Variants in PINK1 observed in about 807,000 individuals in gnomAD.
The protein encoded by PINK1 is serine/threonine-protein kinase PINK1, mitochondrial.
In PINK1, 58 loss-of-function variants were observed where a neutral mutation model predicts 56.0. The ratio of observed to expected loss-of-function variants is 1.04; its 90% CI spans 0.84 to 1.29. The LOEUF (loss-of-function observed/expected upper bound fraction) is 1.29, where lower values mean the gene tolerates loss of function less well. Ranked by LOEUF, PINK1 falls within the 50% of genes most tolerant of loss-of-function variation. PINK1 has a pLI of 0.00. For synonymous variants in PINK1, 354 were observed against 339.3 expected (o/e 1.04, Z -0.48); for missense variants, 745 against 777.9 (o/e 0.96, Z 0.50).
chr1:20,638,044 G>A lies in PINK1; in HGVS notation c.590G>A (p.Gly197Asp). Residue 197 changes from glycine (G) to aspartate (D), a missense_variant, in exon 2 of 8, where the codon GGT (glycine) becomes GAT (aspartate). Gly to Asp is a moderately conservative substitution (Grantham distance 94, BLOSUM62 -1). Transcript: ENST00000321556. ...GGGTTGCTTCCAGGGAGAGGCCCAGGTACCAGTGCACCAGGAGAAGGGCAG... is the reference window on the plus strand; with the variant it reads ...GGGTTGCTTCCAGGGAGAGGCCCAGATACCAGTGCACCAGGAGAAGGGCAG... ...STGLLPGRGP[G>D]TSAPGEGQER... 1 of 1,614,176 alleles carries A rather than the reference G, an allele frequency of 6.2e-7. No homozygotes were observed. The highest frequency in any genetic ancestry group is 8.5e-7 in the Non-Finnish European group (1 of 1,180,024).
intron 7 of PINK1, chr1:20,649,589 A>T (rs924103438): frequency 2.2e-5 from 6 of 273,224 alleles, no homozygotes; most frequent in African/African-American, 1.1e-4. Context: ...ACATGGTAAA[A>T]CCCCGTCTGT....
intron 1 of PINK1, among the ~76,000 whole-genome samples, chr1:20,634,708 G>C (rs1201897544): frequency 6.6e-6 from 1 of 152,220 alleles, no homozygotes; most frequent in Non-Finnish European, 1.5e-5. Flanking sequence ...GGAGGAGCCA[G>C]CGGTGCAGTT....
At position 20,649,169 on chromosome 1, in the gene PINK1, G is replaced by A. The variant is rs115477764; in HGVS notation, c.1426G>A (p.Glu476Lys). 3,352 of 1,614,210 alleles carry A rather than the reference G, an allele frequency of 2.1e-3. 57 individuals carry two copies. In the African/African-American group the frequency reaches 0.038, roughly 18 times the overall value. ...YQEAQLPALP[E>K]SVPPDVRQLV... Reference sequence around the variant, plus strand: ...AGAGGCTCAGCTACCTGCACTGCCCGAGTCAGTGCCTCCAGACGTGAGACA... The same window carrying A: ...AGAGGCTCAGCTACCTGCACTGCCCAAGTCAGTGCCTCCAGACGTGAGACA... Residue 476 changes from glutamate to lysine, a missense_variant, in exon 7 of 8, where the codon GAG becomes AAG. By Grantham distance (56) the Glu-to-Lys change is moderately conservative. Coordinates refer to ENST00000321556, the MANE Select transcript of PINK1 (RefSeq NM_032409.3).
In PINK1 at chr1:20,639,969, G is replaced by A. The variant is rs1297069231; in HGVS notation, c.753G>A (p.Gly251=). The part of the protein sequence containing the change: ...LVPASRVALA[G]EYGAVTYRKS... ...CAGCGAGCCGAGTGGCCTTGGCTGG[G>A]GAGTATGGAGCAGTCACTTACAGGT... Residue 251 remains glycine (G), a synonymous_variant, in exon 3 of 8, where the codon GGG becomes GGA. Coordinates refer to ENST00000321556, the MANE Select transcript of PINK1 (RefSeq NM_032409.3). The A allele has an allele frequency of 2.5e-6, 4 of 1,610,734 alleles. No individual in the cohort carries two copies. The East Asian group carries it at 6.7e-5, about 27-fold the overall frequency.
intron 4 of PINK1, 132 bp downstream of exon 4, chr1:20,644,804 A>T (rs1051761437): frequency 3.3e-6 from 4 of 1,214,952 alleles, no homozygotes; most frequent in Non-Finnish European, 4.6e-6. Context: ...GAAGAAAGCC[A>T]TGCAAAGGGA....
At position 20,641,225 on chromosome 1, in the gene PINK1, G is replaced by A. The variant is rs531527401; in HGVS notation, c.776+1233G>A. ...ATGTGACTGGGAGTCCCTGCAGGCCGGTGGAGGTAGCTGCTCAAGTGGCTG... is the reference window on the plus strand; with the variant it reads ...ATGTGACTGGGAGTCCCTGCAGGCCAGTGGAGGTAGCTGCTCAAGTGGCTG... On this transcript the variant is annotated intron_variant, in intron 3 of 7. Coordinates refer to ENST00000321556, the MANE Select transcript of PINK1 (RefSeq NM_032409.3). The surrounding 1 kb of genome is among the most constrained non-coding windows in gnomAD (Gnocchi z 4.0). Among the ~76,000 whole-genome samples the A allele has an allele frequency of 6.6e-6, 1 of 152,282 alleles. No homozygotes were observed. Among genetic ancestry groups the A allele is most frequent in the African/African-American group, 2.4e-5 (1 of 41,554 alleles).
In PINK1 at chr1:20,649,019, A is replaced by G; in HGVS notation, c.1276A>G (p.Arg426Gly). The G allele has an allele frequency of 6.2e-7, 1 of 1,613,680 alleles. No individual in the cohort carries two copies. Among genetic ancestry groups the G allele is most frequent in the Middle Eastern group, 1.8e-4 (1 of 5,610 alleles). Reference sequence around the variant, plus strand: ...GGTGTCCACGGCCCGTCCTGGCCCCAGGGCAGTGATTGACTACAGCAAGGC... The same window carrying G: ...GGTGTCCACGGCCCGTCCTGGCCCCGGGGCAGTGATTGACTACAGCAAGGC... ...PEVSTARPGP[R>G]AVIDYSKADA... The change falls in exon 7 of 8, where the codon AGG (arginine) becomes GGG (glycine). Residue 426 changes from arginine to glycine, a missense_variant. Coordinates refer to ENST00000321556, the MANE Select transcript of PINK1 (RefSeq NM_032409.3).
intron 5 of PINK1, among the ~76,000 whole-genome samples, chr1:20,648,128 C>A (rs2053210088): frequency 6.6e-6 from 1 of 152,172 alleles, no homozygotes; most frequent in Admixed American, 6.5e-5. Flanking sequence ...TCTTAATGCA[C>A]CTGGTTCTTA....
intron 2 of PINK1, chr1:20,638,715 T>C: frequency 1.2e-5 from 2 of 168,066 alleles, no homozygotes; most frequent in Non-Finnish European, 1.3e-5. Flanking sequence ...GGCCTAAGAT[T>C]GTGCCTTCCC....
intron 7 of PINK1, chr1:20,649,540 G>A: frequency 2.8e-6 from 1 of 351,500 alleles, no homozygotes. Flanking sequence ...TGAGGCGGGT[G>A]GATCACTTGG....
chr1:20,638,099 C>T lies in PINK1; in HGVS notation c.645C>T (p.Pro215=). Residue 215 remains proline (P), a synonymous_variant, in exon 2 of 8, where the codon CCC becomes CCT. Coordinates refer to ENST00000321556, the MANE Select transcript of PINK1 (RefSeq NM_032409.3). ...QERAPGAPAF[P]LAIKMMWNIS... ...GAGCTCCGGGGGCCCCTGCCTTCCC[C>T]TTGGCCATCAAGATGATGTGGAACA... is the stretch of plus-strand genomic sequence containing the variant. 2 of 1,613,510 alleles carry T rather than the reference C, an allele frequency of 1.2e-6. No individual in the cohort carries two copies. The highest frequency in any genetic ancestry group is 1.7e-6 in the Non-Finnish European group (2 of 1,180,008).
chr1:20,642,607 C>A (rs781090406), intron 3 of PINK1: 1 of 152,222 alleles, frequency 6.6e-6, no homozygotes, highest in Non-Finnish European at 1.5e-5. Context: ...TCAGCCAGTT[C>A]TTTTATCTCA....
In PINK1 at chr1:20,633,810, C is replaced by A; in HGVS notation, c.262C>A (p.Arg88=). ...GCGGTTGCAGCGGCAGTTCGTGGTG[C>A]GGGCCTGGGGCTGCGCGGGCCCTTG... ...AARLQRQFVV[R]AWGCAGPCGR... The change falls in exon 1 of 8, where the codon CGG becomes AGG. Residue 88 remains arginine (R), a synonymous_variant. Transcript: ENST00000321556. 6.3e-7 allele frequency: 1 copy of A among 1,576,778 alleles called. No individual in the cohort carries two copies. Among genetic ancestry groups the A allele is most frequent in the Non-Finnish European group, 8.6e-7 (1 of 1,165,872 alleles).
At position 20,649,175 on chromosome 1, in the gene PINK1, G is replaced by C. The variant is rs777444688; in HGVS notation, c.1432G>C (p.Val478Leu). 6 of 1,614,210 alleles carry C rather than the reference G, an allele frequency of 3.7e-6. No homozygotes were observed. The highest frequency in any genetic ancestry group is 5.1e-6 in the Non-Finnish European group (6 of 1,180,042). ...EAQLPALPES[V>L]PPDVRQLVRA... ...TCAGCTACCTGCACTGCCCGAGTCAGTGCCTCCAGACGTGAGACAGTTGGT... is the reference window on the plus strand; with the variant it reads ...TCAGCTACCTGCACTGCCCGAGTCACTGCCTCCAGACGTGAGACAGTTGGT... Residue 478 changes from valine (V) to leucine (L), a missense_variant, in exon 7 of 8, where the codon GTG becomes CTG. Physicochemically the swap from Val to Leu is conservative, Grantham distance 32 (BLOSUM62 1). Transcript: ENST00000321556.
intron 6 of PINK1, 176 bp from the exon 7 acceptor site, chr1:20,648,819 C>A: frequency 1.6e-6 from 2 of 1,267,884 alleles, no homozygotes; most frequent in Non-Finnish European, 2.2e-6. Flanking sequence ...AATGCAAGTC[C>A]TGTCACATAA....
At chr1:20,644,047 C>T (rs1398525238) in intron 3 of PINK1, among the ~76,000 whole-genome samples, 3 of 149,020 alleles carry the variant, frequency 2.0e-5, no homozygotes, top group Admixed American at 1.3e-4. Context: ...TCTCTCTCTC[C>T]TCTCTCTAAA....
At position 20,638,041 on chromosome 1, in the gene PINK1, C is replaced by T. The variant is rs138302371; in HGVS notation, c.587C>T (p.Pro196Leu). Residue 196 changes from proline to leucine, a missense_variant, in exon 2 of 8, where the codon CCA (proline) becomes CTA (leucine). Physicochemically the swap from Pro to Leu is moderately conservative, Grantham distance 98. Coordinates refer to ENST00000321556, the MANE Select transcript of PINK1 (RefSeq NM_032409.3). The part of the protein sequence containing the change: ...KSTGLLPGRG[P>L]GTSAPGEGQE... ...ACCGGGTTGCTTCCAGGGAGAGGCC[C>T]AGGTACCAGTGCACCAGGAGAAGGG... 2.8e-4 allele frequency: 444 copies of T among 1,614,040 alleles called. No homozygotes were observed. Among genetic ancestry groups the T allele is most frequent in the Non-Finnish European group, 3.6e-4 (426 of 1,180,044 alleles).
chr1:20,637,722 G>A, intron 1 of PINK1, 120 bp from the exon 2 acceptor site: 1 of 1,187,788 alleles, frequency 8.4e-7, no homozygotes, highest in South Asian at 1.2e-5. Context: ...TGTTTTTCTG[G>A]TTTATTGATC....
In PINK1 at chr1:20,648,866, C is replaced by G; in HGVS notation, c.1252-129C>G. ...TAAGCAGACCCCTTCTGGGTCTGAG[C>G]CACAGCTCACTCAAGCTCTGGGTTC... On this transcript the variant is annotated intron_variant, in intron 6 of 7. Transcript: ENST00000321556. 3.9e-6 allele frequency: 5 copies of G among 1,270,314 alleles called. No individual in the cohort carries two copies. In the South Asian group the frequency reaches 6.3e-5, roughly 16 times the overall value. 78.7% of individuals were successfully genotyped at this position (1,270,314 alleles called of 1,614,324 possible). A position where few individuals can be genotyped will look rare whatever the true frequency, so the allele number is the denominator to read the frequency against.
Sources: allele counts gnomAD v4.1 joint callset (sites outside exome capture counted in the v4.1 genomes callset), GRCh38; gene constraint gnomAD v4.1.1; non-coding constraint Gnocchi (gnomAD v3.1); transcripts MANE v1.5; gene names NCBI Gene and HGNC (gene_info 2026-07-23, HGNC 2026-07-21).